Variants in ARHGAP10 observed in about 807,000 individuals in gnomAD.
ARHGAP10 encodes rho GTPase-activating protein 10.
ARHGAP10 carries 87 observed loss-of-function variants against 108.6 expected under a neutral mutation model. That is an observed-to-expected ratio of 0.80 (90% CI 0.67 to 0.96). The LOEUF is 0.96. Ranked by LOEUF, ARHGAP10 falls within the 40% of genes least tolerant of loss-of-function variation. ARHGAP10 has a pLI of 0.00. For missense variants in ARHGAP10, 939 were observed against 954.5 expected, an observed-to-expected ratio of 0.98 and a Z score of 0.21; for synonymous variants, 347 against 341.1, an observed-to-expected ratio of 1.02 and a Z score of -0.19.
intron 1 of ARHGAP10, among the ~76,000 whole-genome samples, chr4:147,771,822 T>C (rs1401947061): frequency 6.6e-6 from 1 of 152,184 alleles, no homozygotes; most frequent in Non-Finnish European, 1.5e-5. Flanking sequence ...AGATGGAGTC[T>C]TGCCTTGTCA....
intron 14 of ARHGAP10, among the ~76,000 whole-genome samples, chr4:147,943,720 C>T (rs1251910259): frequency 6.6e-6 from 1 of 152,196 alleles, no homozygotes; most frequent in Non-Finnish European, 1.5e-5. Context: ...TATGGTAGAA[C>T]ATGTATTCTG....
intron 13 of ARHGAP10, 99 bp from the exon 14 acceptor site, chr4:147,939,726 C>G (rs1206002698): frequency 8.0e-6 from 8 of 1,001,442 alleles, no homozygotes; most frequent in Non-Finnish European, 9.6e-6. Context: ...AACAGGAATG[C>G]TGCTAATGTT....
intron 4 of ARHGAP10, among the ~76,000 whole-genome samples, chr4:147,850,242 G>T (rs993943694): frequency 1.3e-5 from 2 of 152,152 alleles, no homozygotes; most frequent in African/African-American, 4.8e-5. Context: ...ATTAATCAGC[G>T]CTCTGTAAAA....
intron 1 of ARHGAP10, among the ~76,000 whole-genome samples, chr4:147,782,271 T>A (rs1044270530): frequency 6.6e-6 from 1 of 152,292 alleles, no homozygotes; most frequent in African/African-American, 2.4e-5. Context: ...ATTGGGCGTG[T>A]TGAACTACGT....
At chr4:147,995,336 G>A (rs1371624527) in intron 18 of ARHGAP10, among the ~76,000 whole-genome samples, 1 of 152,280 alleles carries the variant, frequency 6.6e-6, no homozygotes, top group East Asian at 1.9e-4. Context: ...TACCTCCAAA[G>A]TCTATGAATA....
chr4:147,950,351 A>G (rs1198975511), intron 15 of ARHGAP10, among the ~76,000 whole-genome samples: 1 of 152,152 alleles, frequency 6.6e-6, no homozygotes, highest in Non-Finnish European at 1.5e-5. Context: ...GGCCCAAGCA[A>G]GTGTATTTCT....
chr4:147,979,426 C>T (rs1341450228), intron 18 of ARHGAP10, among the ~76,000 whole-genome samples: 1 of 152,042 alleles, frequency 6.6e-6, no homozygotes, highest in Non-Finnish European at 1.5e-5. Flanking sequence ...ATTTTTGTGC[C>T]CATACTATGC....
intron 1 of ARHGAP10, among the ~76,000 whole-genome samples, chr4:147,805,595 T>C (rs1444185511): frequency 6.6e-6 from 1 of 152,192 alleles, no homozygotes; most frequent in Non-Finnish European, 1.5e-5. Flanking sequence ...ATTCGTCATA[T>C]CCCTTCTCTT....
chr4:147,738,556 C>G (rs555025947), intron 1 of ARHGAP10, among the ~76,000 whole-genome samples: 146 of 151,150 alleles, frequency 9.7e-4, no homozygotes, highest in African/African-American at 3.3e-3. Flanking sequence ...CTGTCTCCCC[C>G]CCCCAAAAAA....
chr4:147,748,960 T>TA (rs1225751872), intron 1 of ARHGAP10, among the ~76,000 whole-genome samples: 2 of 148,534 alleles, frequency 1.3e-5, no homozygotes, highest in Admixed American at 7.0e-5. Context: ...CCCTGTGTCT[T>TA]AAAAAAAGAA....
intron 3 of ARHGAP10, among the ~76,000 whole-genome samples, chr4:147,833,410 T>C (rs761679721): frequency 4.0e-4 from 61 of 152,194 alleles, no homozygotes; most frequent in Non-Finnish European, 7.8e-4. Flanking sequence ...TGTGCCAAGA[T>C]TGTAAGTTTC....
intron 18 of ARHGAP10, among the ~76,000 whole-genome samples, chr4:148,001,988 T>G (rs917195353): frequency 6.6e-6 from 1 of 152,216 alleles, no homozygotes; most frequent in Non-Finnish European, 1.5e-5. Context: ...CCCTGTCTTG[T>G]GCCAGTTTTC....
rs1346948111 is a variant in ARHGAP10 at position 147,989,739 on chromosome 4, C to T, written c.1716+22900C>T. On this transcript the variant is annotated intron_variant, in intron 18 of 22. Coordinates refer to ENST00000336498, the MANE Select transcript of ARHGAP10 (RefSeq NM_024605.4). Reference sequence around the variant, plus strand: ...GCCCACATTTCATATTGCTCAAACACACATGCTGTACAATTTGTGTAGTTA... The same window carrying T: ...GCCCACATTTCATATTGCTCAAACATACATGCTGTACAATTTGTGTAGTTA... Among the ~76,000 whole-genome samples the T allele has an allele frequency of 4.6e-5, 7 of 152,160 alleles. No homozygotes were observed. The East Asian group carries it at 1.3e-3, about 29-fold the overall frequency.
intron 1 of ARHGAP10, among the ~76,000 whole-genome samples, chr4:147,756,690 A>G (rs1729384962): frequency 6.6e-6 from 1 of 152,122 alleles, no homozygotes; most frequent in African/African-American, 2.4e-5. Context: ...TAGTGTATAT[A>G]AGGTTTACAG....
intron 5 of ARHGAP10, among the ~76,000 whole-genome samples, chr4:147,859,759 G>A (rs1483911600): frequency 6.6e-6 from 1 of 152,222 alleles, no homozygotes; most frequent in Admixed American, 6.5e-5. Flanking sequence ...AACTAGTGTG[G>A]AGATGCTTGT....
intron 7 of ARHGAP10, among the ~76,000 whole-genome samples, chr4:147,872,749 T>G (rs2126857782): frequency 6.6e-6 from 1 of 152,326 alleles, no homozygotes; most frequent in East Asian, 1.9e-4. Flanking sequence ...ATACTTTAAG[T>G]GGAAGTGGAT....
intron 13 of ARHGAP10, among the ~76,000 whole-genome samples, chr4:147,915,708 A>AT (rs201111144): frequency 6.6e-6 from 1 of 152,106 alleles, no homozygotes; most frequent in Admixed American, 6.5e-5. Flanking sequence ...CTTTTTGAAT[A>AT]TTTTTCCCCC....
chr4:147,958,846 A>G (rs1328865517), intron 16 of ARHGAP10, among the ~76,000 whole-genome samples: 2 of 152,186 alleles, frequency 1.3e-5, no homozygotes, highest in Non-Finnish European at 2.9e-5. Flanking sequence ...CATCTTTTTC[A>G]GTTTCTGTTA....
At chr4:147,837,510 G>C (rs2126805095) in intron 3 of ARHGAP10, among the ~76,000 whole-genome samples, 1 of 152,252 alleles carries the variant, frequency 6.6e-6, no homozygotes, top group African/African-American at 2.4e-5. Context: ...GCTTAGAGCA[G>C]ATGCCACTAT....
Sources: allele counts gnomAD v4.1 joint callset (sites outside exome capture counted in the v4.1 genomes callset), GRCh38; gene constraint gnomAD v4.1.1; transcripts MANE v1.5; gene names NCBI Gene and HGNC (gene_info 2026-07-23, HGNC 2026-07-21).